Variants in RIC1 observed in about 807,000 individuals in gnomAD.
RIC1 encodes RIC1 partner of RAB6A GEF complex.
RIC1 carries 88 observed loss-of-function variants against 169.0 expected under a neutral mutation model. The ratio of observed to expected loss-of-function variants is 0.52; its 90% CI spans 0.44 to 0.62. The LOEUF is 0.62. Ranked by LOEUF, RIC1 falls within the 20% of genes least tolerant of loss-of-function variation. The pLI is 0.00. For missense variants in RIC1, 1,877 were observed against 1,725.5 expected (o/e 1.09, Z -1.56); for synonymous variants, 790 against 601.5 (o/e 1.31, Z -4.59).
chr9:5,756,596 G>GA (rs1331391960), intron 16 of RIC1, among the ~76,000 whole-genome samples: 8 of 151,402 alleles, frequency 5.3e-5, no homozygotes, highest in Admixed American at 3.9e-4. Flanking sequence ...GGAGTCATTT[G>GA]AAAAAAATCT....
At chr9:5,705,853 G>T (rs1822553890) in intron 3 of RIC1, among the ~76,000 whole-genome samples, 1 of 152,138 alleles carries the variant, frequency 6.6e-6, no homozygotes, top group Admixed American at 6.5e-5. Context: ...TATCTTAAAA[G>T]ATTATTACTA....
intron 17 of RIC1, among the ~76,000 whole-genome samples, chr9:5,758,722 C>CTTTTTTTTTTTTTTTTTTTTTTTCTTTTT (rs754931692): frequency 1.0e-5 from 1 of 98,424 alleles, no homozygotes; most frequent in African/African-American, 4.0e-5. Flanking sequence ...GGTCTCCCTT[C>CTTTTTTTTTTTTTTTTTTTTTTTCTTTTT]TTTTTTTTTT....
intron 3 of RIC1, among the ~76,000 whole-genome samples, chr9:5,707,799 G>A (rs1822684799): frequency 6.6e-6 from 1 of 151,950 alleles, no homozygotes; most frequent in Non-Finnish European, 1.5e-5. Context: ...GCTTATAAAT[G>A]GACTCATTTG....
intron 23 of RIC1, among the ~76,000 whole-genome samples, 154 bp from the exon 24 acceptor site, chr9:5,772,410 T>C (rs2131152740): frequency 1.3e-5 from 2 of 152,352 alleles, no homozygotes; most frequent in East Asian, 3.9e-4. Context: ...TTTAAATGTT[T>C]TCTATGTTCA....
chr9:5,645,627 C>T (rs944127963), intron 1 of RIC1, among the ~76,000 whole-genome samples: 4 of 152,182 alleles, frequency 2.6e-5, no homozygotes, highest in African/African-American at 7.2e-5. Context: ...TGTGTGGGTA[C>T]CTCAGACAAG....
chr9:5,667,282 A>G (rs1244459855), intron 2 of RIC1, among the ~76,000 whole-genome samples: 1 of 152,168 alleles, frequency 6.6e-6, no homozygotes, highest in African/African-American at 2.4e-5. Context: ...TGATCTTGTC[A>G]CAGCACTCCA....
chr9:5,629,318 T>C lies in RIC1; in HGVS notation c.9T>C (p.Phe3=), dbSNP rs1817600390. The change falls in exon 1 of 26, where the codon TTT becomes TTC. Residue 3 remains phenylalanine (F), a synonymous_variant. Coordinates refer to ENST00000414202, the MANE Select transcript of RIC1 (RefSeq NM_020829.4). ...GGGGCTCCGCACGGACCATGTATTT[T>C]CTGAGCGGCTGGCCCAAGAGGCTGC... MY[F]LSGWPKRLLC... is the part of the protein sequence containing the mutation. 13 of 1,523,854 alleles carry C rather than the reference T, an allele frequency of 8.5e-6. No homozygotes were observed. Among genetic ancestry groups the C allele is most frequent in the Non-Finnish European group, 1.1e-5 (13 of 1,142,246 alleles). The allele number at this position is 1,523,854 out of a possible 1,614,324, so 94.4% of individuals were successfully genotyped here.
At chr9:5,743,596 A>G in intron 9 of RIC1, 93 bp from the exon 10 acceptor site, 2 of 1,031,538 alleles carry the variant, frequency 1.9e-6, no homozygotes, top group South Asian at 1.4e-5. Context: ...TTAAAGGAGC[A>G]AAATCCGTTT....
chr9:5,732,222 G>C (rs979027682), intron 6 of RIC1, among the ~76,000 whole-genome samples, 166 bp from the exon 7 acceptor site: 2 of 152,178 alleles, frequency 1.3e-5, no homozygotes, highest in Non-Finnish European at 2.9e-5. Context: ...CTATTTGGTA[G>C]TATTTTAAGG....
intron 7 of RIC1, among the ~76,000 whole-genome samples, chr9:5,733,649 C>T (rs1363001990): frequency 6.6e-6 from 1 of 152,062 alleles, no homozygotes; most frequent in Non-Finnish European, 1.5e-5. Flanking sequence ...AATCCTCATC[C>T]TCAACTTTTT....
Position 5,774,314 on chromosome 9 carries a change from TAGTTGGATGATTTAACAGG to T in RIC1, c.*71_*89del. 1 of 1,354,500 alleles carries T rather than the reference TAGTTGGATGATTTAACAGG, an allele frequency of 7.4e-7. No individual in the cohort carries two copies. Among genetic ancestry groups the T allele is most frequent in the Non-Finnish European group, 1.0e-6 (1 of 998,230 alleles). 83.9% of individuals were successfully genotyped at this position (1,354,500 alleles called of 1,614,324 possible). On this transcript the variant is annotated 3_prime_UTR_variant, in exon 26 of 26. Transcript: ENST00000414202. Reference sequence around the variant, plus strand: ...GCGTGCAGCTCAGTACGTTGTAACATAGTTGGATGATTTAACAGGAGAACTCAGTTCAGAGACTCTTCGG... The same window carrying T: ...GCGTGCAGCTCAGTACGTTGTAACATAGAACTCAGTTCAGAGACTCTTCGG...
chr9:5,709,226 A>G (rs969607853), intron 3 of RIC1, among the ~76,000 whole-genome samples: 1 of 152,198 alleles, frequency 6.6e-6, no homozygotes, highest in Non-Finnish European at 1.5e-5. Flanking sequence ...AGGAAACTGC[A>G]GTTCTGCCGT....
intron 2 of RIC1, among the ~76,000 whole-genome samples, chr9:5,665,680 C>T (rs574647701): frequency 6.6e-6 from 1 of 152,108 alleles, no homozygotes; most frequent in African/African-American, 2.4e-5. Context: ...TTTAACAGGC[C>T]ACTCTTCCAT....
intron 2 of RIC1, among the ~76,000 whole-genome samples, chr9:5,679,514 A>G (rs199658137): frequency 1.3e-5 from 2 of 151,956 alleles, no homozygotes; most frequent in Non-Finnish European, 2.9e-5. Flanking sequence ...CTTTTATTTC[A>G]TTGGGCAGTG....
At chr9:5,672,731 C>T (rs181375131) in intron 2 of RIC1, among the ~76,000 whole-genome samples, 26 of 152,082 alleles carry the variant, frequency 1.7e-4, no homozygotes, top group African/African-American at 4.8e-4. Flanking sequence ...CATTTGATTG[C>T]GGGTGGGGCT....
At chr9:5,679,615 G>A (rs1820688409) in intron 2 of RIC1, among the ~76,000 whole-genome samples, 2 of 152,084 alleles carry the variant, frequency 1.3e-5, no homozygotes, top group South Asian at 4.1e-4. Flanking sequence ...GTGAATGGGA[G>A]TTCACTCATG....
At chr9:5,740,593 G>C (rs1825021253) in intron 8 of RIC1, among the ~76,000 whole-genome samples, 1 of 151,378 alleles carries the variant, frequency 6.6e-6, no homozygotes, top group Admixed American at 6.6e-5. Context: ...TGAAGAACTT[G>C]GAGTCTGATG....
chr9:5,683,994 G>A (rs201124757), intron 2 of RIC1, among the ~76,000 whole-genome samples: 1 of 152,156 alleles, frequency 6.6e-6, no homozygotes, highest in South Asian at 2.1e-4. Context: ...CCTGTTGGAA[G>A]AGCACAGTAT....
intron 6 of RIC1, among the ~76,000 whole-genome samples, chr9:5,729,215 G>A (rs1824204545): frequency 6.6e-6 from 1 of 152,190 alleles, no homozygotes; most frequent in Non-Finnish European, 1.5e-5. Context: ...GGCCTCTGGT[G>A]GAGGTGGTAG....
Sources: gnomAD v4.1 joint callset for allele counts (sites outside exome capture counted in the v4.1 genomes callset) on GRCh38, gnomAD v4.1.1 for gene constraint, MANE v1.5 for transcripts, NCBI Gene and HGNC (gene_info 2026-07-23, HGNC 2026-07-21) for gene names.